Variants in SYT7 observed in about 807,000 individuals in gnomAD.
SYT7 encodes the protein synaptotagmin 7.
Under a neutral mutation model 75.1 loss-of-function variants are expected in SYT7, and 29 were observed. The observed-to-expected ratio is 0.39, with a 90% CI of 0.29 to 0.53. The LOEUF (loss-of-function observed/expected upper bound fraction) is 0.53. Among genes scored for constraint, SYT7 ranks in the 20% least tolerant of loss-of-function variants. The pLI, the probability that SYT7 is intolerant of heterozygous loss-of-function variation, is 0.77. For synonymous variants in SYT7, 376 were observed against 401.7 expected (o/e 0.94, Z 0.76); for missense variants, 693 against 953.2 (o/e 0.73, Z 3.59).
intron 1 of SYT7, among the ~76,000 whole-genome samples, chr11:61,560,562 AG>A (rs1445939058): frequency 1.3e-5 from 2 of 152,178 alleles, no homozygotes; most frequent in Non-Finnish European, 2.9e-5. Flanking sequence ...CCTCAAAGGC[AG>A]GGTGAAACAA....
intron 8 of SYT7, among the ~76,000 whole-genome samples, chr11:61,529,848 G>C (rs1348668115): frequency 1.3e-5 from 2 of 152,122 alleles, no homozygotes; most frequent in Admixed American, 1.3e-4. Flanking sequence ...TTGGTCAGGC[G>C]AGTCTCTAAT....
At position 61,523,158 on chromosome 11, in the gene SYT7, G is replaced by T. The variant is rs765905087; in HGVS notation, c.1873C>A (p.Pro625Thr). 9 of 1,614,154 alleles carry T rather than the reference G, an allele frequency of 5.6e-6. No homozygotes were observed. In the Admixed American group the frequency reaches 8.3e-5, roughly 15 times the overall value. Residue 625 changes from proline to threonine, a missense_variant, in exon 12 of 13, where the codon CCC (proline) becomes ACC (threonine). Coordinates refer to ENST00000539008, the MANE Select transcript of SYT7 (RefSeq NM_001365809.2). This position sits in a 1 kb window ranked among gnomAD's most constrained non-coding sequence, Gnocchi z 5.0. ...GTCGTCTCCCTCAGCTTCTCCGTGG[G>T]GATATCGAAGGCGAAGGACTCATTG... is the stretch of plus-strand genomic sequence containing the variant. ...IFNESFAFDI[P>T]TEKLRETTII... is the part of the protein sequence containing the mutation.
chr11:61,567,861 G>T (rs1233930031), intron 1 of SYT7, among the ~76,000 whole-genome samples: 1 of 152,222 alleles, frequency 6.6e-6, no homozygotes, highest in Non-Finnish European at 1.5e-5. Flanking sequence ...GGCGTTGCCC[G>T]ACACCCGCAC....
chr11:61,554,648 C>T (rs542826678), intron 2 of SYT7, among the ~76,000 whole-genome samples: 4 of 152,278 alleles, frequency 2.6e-5, no homozygotes, highest in East Asian at 1.9e-4. Context: ...GCTGCAGGTA[C>T]GCTCAGCCAC....
Position 61,538,193 on chromosome 11 carries a change from G to C in SYT7, c.1015C>G (p.Leu339Val). The C allele has an allele frequency of 6.5e-7, 1 of 1,536,064 alleles. No individual in the cohort carries two copies. Among genetic ancestry groups the C allele is most frequent in the Non-Finnish European group, 8.7e-7 (1 of 1,146,854 alleles). The change falls in exon 7 of 13, where the codon CTG becomes GTG. Residue 339 changes from leucine (L) to valine (V), a missense_variant. Transcript: ENST00000539008. ...TTCTGCTGGGTTCCTGGGTTTTGCA[G>C]GTCAGGGATATTGGCAAAGTCATCC... ...EQDDFANIPD[L>V]QNPGTQQNQN...
chr11:61,528,202 G>T lies in SYT7; in HGVS notation c.1201-17C>A. 1.2e-6 allele frequency: 2 copies of T among 1,607,502 alleles called. No individual in the cohort carries two copies. Among genetic ancestry groups the T allele is most frequent in the Non-Finnish European group, 1.7e-6 (2 of 1,179,292 alleles). ...TGGGGAGAGCTGGGGGTGGGGGAGA[G>T]GCCGGCAGGGTTTGGGGAGGATTCT... On this transcript the variant is annotated splice_polypyrimidine_tract_variant and intron_variant, in intron 8 of 12. Transcript: ENST00000539008.
chr11:61,536,919 C>G (rs571017914), intron 7 of SYT7, among the ~76,000 whole-genome samples: 50 of 152,246 alleles, frequency 3.3e-4, no homozygotes, highest in Non-Finnish European at 6.8e-4. Flanking sequence ...TCACAGGACA[C>G]ATGCCCCAGC....
In SYT7 at chr11:61,551,253, G is replaced by A; in HGVS notation, c.215+131C>T. Reference sequence around the variant, plus strand: ...TTTTTGGGGGTGTGTGGAGGGTGTAGAGAGCATGGCATCGGGGTGTGGGGG... The same window carrying A: ...TTTTTGGGGGTGTGTGGAGGGTGTAAAGAGCATGGCATCGGGGTGTGGGGG... On this transcript the variant is annotated intron_variant, in intron 3 of 12. Transcript: ENST00000539008. This position sits in a 1 kb window ranked among gnomAD's most constrained non-coding sequence, Gnocchi z 5.3. 1.2e-6 allele frequency: 1 copy of A among 864,870 alleles called. No homozygotes were observed. Among genetic ancestry groups the A allele is most frequent in the East Asian group, 2.6e-5 (1 of 38,670 alleles). The allele number at this position is 864,870 out of a possible 1,614,324, so 53.6% of individuals were successfully genotyped here. A position where few individuals can be genotyped will look rare whatever the true frequency, so the allele number is the denominator to read the frequency against.
chr11:61,562,132 G>C (rs1283102119), intron 1 of SYT7, among the ~76,000 whole-genome samples: 1 of 152,000 alleles, frequency 6.6e-6, no homozygotes, highest in Non-Finnish European at 1.5e-5. Context: ...GCTCAACTTT[G>C]CCTGACAAAC....
intron 7 of SYT7, among the ~76,000 whole-genome samples, chr11:61,535,916 C>T (rs544042265): frequency 1.3e-5 from 2 of 152,206 alleles, no homozygotes; most frequent in South Asian, 2.1e-4. Flanking sequence ...GAGGGACAGC[C>T]GCTCCAAGGC....
chr11:61,533,774 G>A (rs923344575), intron 7 of SYT7: 1 of 618,248 alleles, frequency 1.6e-6, no homozygotes, highest in African/African-American at 2.0e-5. Flanking sequence ...TGTGGCCAGT[G>A]TGGCTGAGAG....
rs2064076977 is a variant in SYT7, at chr11:61,576,338, C to A, written c.31+4452G>T. Among the ~76,000 whole-genome samples, 1 of 152,256 alleles carries A rather than the reference C, an allele frequency of 6.6e-6. No homozygotes were observed. Among genetic ancestry groups the A allele is most frequent in the African/African-American group, 2.4e-5 (1 of 41,470 alleles). On this transcript the variant is annotated intron_variant, in intron 1 of 12. Coordinates refer to ENST00000539008, the MANE Select transcript of SYT7 (RefSeq NM_001365809.2). This position sits in a 1 kb window ranked among gnomAD's most constrained non-coding sequence, Gnocchi z 4.1. ...CTGGCAAGGCAGGCAGGCACCCGGG[C>A]TGGGCCTGGCACAGGCTGGTGCCGG...
rs909609325 is a variant in SYT7 at position 61,553,469 on chromosome 11, C to T, written c.136-2006G>A. On this transcript the variant is annotated intron_variant, in intron 2 of 12. Transcript: ENST00000539008. The surrounding 1 kb of genome is among the most constrained non-coding windows in gnomAD (Gnocchi z 5.2). ...CCCTTCCCCGAGGCCAGGAAGGGCA[C>T]GGTCAGCCCTTTCCGAGCAGCGCCC... Among the ~76,000 whole-genome samples the T allele has an allele frequency of 2.0e-5, 3 of 152,202 alleles. No homozygotes were observed. The highest frequency in any genetic ancestry group is 2.1e-4 in the South Asian group (1 of 4,834).
chr11:61,548,345 C>A (rs116376455), intron 3 of SYT7, among the ~76,000 whole-genome samples: 144 of 152,332 alleles, frequency 9.5e-4, no homozygotes, highest in African/African-American at 3.3e-3. Flanking sequence ...GGACTCTCCA[C>A]CTTCTCCTGA....
intron 8 of SYT7, 131 bp downstream of exon 8, chr11:61,532,858 G>A: frequency 1.5e-6 from 2 of 1,351,016 alleles, no homozygotes; most frequent in Non-Finnish European, 2.0e-6. Flanking sequence ...TGGCTCTCCA[G>A]GCTGCTTCTG....
chr11:61,530,769 C>A, intron 8 of SYT7: 1 of 983,410 alleles, frequency 1.0e-6, no homozygotes, highest in Non-Finnish European at 1.2e-6. Context: ...TAGGTTTCAC[C>A]TGGGAAAGGG....
intron 1 of SYT7, among the ~76,000 whole-genome samples, chr11:61,571,195 T>C (rs1048855090): frequency 6.6e-6 from 1 of 152,210 alleles, no homozygotes; most frequent in Non-Finnish European, 1.5e-5. Flanking sequence ...GCCCCAGCGA[T>C]GTGTGCCCAT....
At chr11:61,554,681 C>T (rs915499969) in intron 2 of SYT7, among the ~76,000 whole-genome samples, 1 of 152,166 alleles carries the variant, frequency 6.6e-6, no homozygotes, top group African/African-American at 2.4e-5. Flanking sequence ...CGAGGACACT[C>T]ACACACAGAG....
rs1448033407 is a variant in SYT7, at chr11:61,518,365, TTTAGTA to T, written c.*256_*261del. The T allele has an allele frequency of 1.7e-5, 6 of 362,512 alleles. 1 individual carries two copies. The highest frequency in any genetic ancestry group is 3.0e-5 in the Non-Finnish European group (6 of 202,076). 22.5% of individuals were successfully genotyped at this position (362,512 alleles called of 1,614,324 possible). A position where few individuals can be genotyped will look rare whatever the true frequency, so the allele number is the denominator to read the frequency against. Reference sequence around the variant, plus strand: ...CTGGCTCTCGAGCTCCCCCAACTTCTTTAGTATTAGTAAGTCAGGAAGAAAAGGGGC... The same window carrying T: ...CTGGCTCTCGAGCTCCCCCAACTTCTTTAGTAAGTCAGGAAGAAAAGGGGC... On this transcript the variant is annotated 3_prime_UTR_variant, in exon 13 of 13. Transcript: ENST00000539008.
Sources: gnomAD v4.1 joint callset for allele counts (sites outside exome capture counted in the v4.1 genomes callset) on GRCh38, gnomAD v4.1.1 for gene constraint, Gnocchi (gnomAD v3.1) non-coding constraint, MANE v1.5 for transcripts, NCBI Gene and HGNC (gene_info 2026-07-23, HGNC 2026-07-21) for gene names.